RGS6: variants seen among roughly 807,000 people sequenced by gnomAD.
The protein encoded by RGS6 is regulator of G protein signaling 6, also known as regulator of G-protein signaling 6.
RGS6 carries 30 observed loss-of-function variants against 78.5 expected under a neutral mutation model. That is an observed-to-expected ratio of 0.38 (90% CI 0.29 to 0.52). RGS6 has a LOEUF of 0.52. Ranked by LOEUF, RGS6 falls within the 20% of genes least tolerant of loss-of-function variation. RGS6 has a pLI of 0.85. For synonymous variants in RGS6, 206 were observed against 206.0 expected (o/e 1.00, Z 0.00); for missense variants, 495 against 609.7 (o/e 0.81, Z 1.98).
At chr14:71,977,939 T>C (rs900637660) in intron 2 of RGS6, among the ~76,000 whole-genome samples, 18 of 150,722 alleles carry the variant, frequency 1.2e-4, no homozygotes, top group South Asian at 8.4e-4. Context: ...TTTATTTCCT[T>C]GAGCAGTGGT....
At chr14:72,196,749 CT>C (rs1156463352) in intron 2 of RGS6, among the ~76,000 whole-genome samples, 1 of 152,232 alleles carries the variant, frequency 6.6e-6, no homozygotes, top group African/African-American at 2.4e-5. Context: ...GAATTTTCCA[CT>C]TTGGAATTAT....
intron 1 of RGS6, among the ~76,000 whole-genome samples, chr14:71,941,081 G>C (rs186813910): frequency 6.6e-6 from 1 of 152,182 alleles, no homozygotes; most frequent in African/African-American, 2.4e-5. Context: ...CTGAAGCTGG[G>C]AGACAGAATC....
At position 72,518,376 on chromosome 14, in the gene RGS6, A is replaced by C. The variant is rs753570086; in HGVS notation, c.1117A>C (p.Lys373Gln). 1.2e-6 allele frequency: 2 copies of C among 1,613,958 alleles called. No homozygotes were observed. The highest frequency in any genetic ancestry group is 1.7e-5 in the Admixed American group (1 of 60,016). The change falls in exon 15 of 18, where the codon AAG becomes CAG. Residue 373 changes from lysine to glutamine, a missense_variant. Physicochemically the swap from Lys to Gln is moderately conservative, Grantham distance 53 (BLOSUM62 1). Transcript: ENST00000553525. ...GTTCTGGCTGGCTGTCCAAGATCTTAAGAAACAACCCCTACAGGATGTGGC... is the reference window on the plus strand; with the variant it reads ...GTTCTGGCTGGCTGTCCAAGATCTTCAGAAACAACCCCTACAGGATGTGGC... ...LRFWLAVQDLKKQPLQDVAKR... is the reference protein window; with the variant it reads ...LRFWLAVQDLQKQPLQDVAKR...
rs115472928 is a variant in RGS6, at chr14:72,183,309, G to A, written c.85-168786G>A. On this transcript the variant is annotated intron_variant, in intron 2 of 17. Transcript: ENST00000553525. ...CTGAATTGCTTCTGTCCCTGCAAAC[G>A]TCTCTTCTGTCTTTTACATTCACAG... Among the ~76,000 whole-genome samples the A allele has an allele frequency of 2.6e-3, 398 of 152,228 alleles. 3 individuals are homozygous for A. Among genetic ancestry groups the A allele is most frequent in the African/African-American group, 9.1e-3 (377 of 41,538 alleles).
intron 2 of RGS6, among the ~76,000 whole-genome samples, chr14:72,215,602 G>A (rs185798581): frequency 1.1e-4 from 16 of 152,252 alleles, no homozygotes; most frequent in Non-Finnish European, 1.9e-4. Context: ...CTCACATTCT[G>A]TATTTGTCCT....
chr14:72,610,202 T>C, the RGS6 span, among the ~76,000 whole-genome samples: 34 of 152,338 alleles, frequency 2.2e-4, no homozygotes, highest in South Asian at 6.4e-3. Flanking sequence ...GAGACATCAA[T>C]GGAGGCAGCA....
intron 17 of RGS6, chr14:72,547,436 T>A: frequency 2.2e-6 from 2 of 897,222 alleles, no homozygotes; most frequent in Non-Finnish European, 3.4e-6. Flanking sequence ...CAGGGGATGC[T>A]TCCCCCTTTT....
Position 72,183,524 on chromosome 14 carries a change from A to G in RGS6, c.85-168571A>G, listed in dbSNP as rs17108621. 5.3e-3 allele frequency among the ~76,000 whole-genome samples: 813 copies of G among 152,322 alleles called. 10 individuals carry two copies. The highest frequency in any genetic ancestry group is 0.019 in the African/African-American group (772 of 41,572). ...GTGGTTTGATCATTGACTCACTGAG[A>G]ACAATTATTAATCTTCAACTCCAAG... is the stretch of plus-strand genomic sequence containing the variant. On this transcript the variant is annotated intron_variant, in intron 2 of 17. Transcript: ENST00000553525.
At chr14:72,206,942 A>T (rs1484938701) in intron 2 of RGS6, among the ~76,000 whole-genome samples, 1 of 152,204 alleles carries the variant, frequency 6.6e-6, no homozygotes, top group Non-Finnish European at 1.5e-5. Flanking sequence ...CTTCCTCTTG[A>T]GAAAGAAATA....
At chr14:71,915,979 C>T in the RGS6 span, among the ~76,000 whole-genome samples, 2 of 152,174 alleles carry the variant, frequency 1.3e-5, no homozygotes, top group Admixed American at 6.5e-5. Context: ...AGGAGAGAAG[C>T]CTCAAGAGAA....
chr14:72,346,859 A>T (rs908890528), intron 2 of RGS6, among the ~76,000 whole-genome samples: 2 of 152,170 alleles, frequency 1.3e-5, no homozygotes, highest in Admixed American at 6.5e-5. Flanking sequence ...CACACTCTTG[A>T]GGCTATTTCA....
intron 2 of RGS6, among the ~76,000 whole-genome samples, chr14:72,152,342 G>C (rs568234887): frequency 6.6e-6 from 1 of 151,458 alleles, no homozygotes; most frequent in African/African-American, 2.4e-5. Flanking sequence ...AAATTTCAAC[G>C]CAACAGAAAG....
the RGS6 span, among the ~76,000 whole-genome samples, chr14:72,629,175 G>A: frequency 6.6e-6 from 1 of 152,180 alleles, no homozygotes. Flanking sequence ...TACATATGAA[G>A]TAGTTACAGG....
At chr14:72,540,712 A>T in intron 17 of RGS6, 1 of 1,344,340 alleles carries the variant, frequency 7.4e-7, no homozygotes, top group South Asian at 1.2e-5. Context: ...TGATAGGGAG[A>T]GGAGGGAAGT....
At chr14:72,100,334 C>G (rs866604846) in intron 2 of RGS6, among the ~76,000 whole-genome samples, 3 of 151,716 alleles carry the variant, frequency 2.0e-5, no homozygotes, top group Non-Finnish European at 2.9e-5. Flanking sequence ...GTGAAACCTC[C>G]TCTCTCCTAA....
intron 2 of RGS6, among the ~76,000 whole-genome samples, chr14:72,100,750 T>C (rs891839172): frequency 6.6e-6 from 1 of 152,242 alleles, no homozygotes; most frequent in African/African-American, 2.4e-5. Flanking sequence ...AATGAATCTA[T>C]CTGTAAGCAA....
chr14:72,289,563 C>G (rs947710758), intron 2 of RGS6, among the ~76,000 whole-genome samples: 1 of 152,162 alleles, frequency 6.6e-6, no homozygotes, highest in Non-Finnish European at 1.5e-5. Context: ...TTACTCAATG[C>G]CTATTATCAT....
chr14:72,202,035 GC>G (rs1224578311), intron 2 of RGS6, among the ~76,000 whole-genome samples: 2 of 152,178 alleles, frequency 1.3e-5, no homozygotes, highest in Admixed American at 6.5e-5. Flanking sequence ...CATTTTAATA[GC>G]AGTTAAATCT....
chr14:72,273,098 C>G (rs1466332791), intron 2 of RGS6, among the ~76,000 whole-genome samples: 1 of 150,624 alleles, frequency 6.6e-6, no homozygotes, highest in Non-Finnish European at 1.5e-5. Context: ...TGCCATTGCA[C>G]TCCAGCCTCG....
Sources: allele counts gnomAD v4.1 joint callset (sites outside exome capture counted in the v4.1 genomes callset), GRCh38; gene constraint gnomAD v4.1.1; transcripts MANE v1.5; gene names NCBI Gene and HGNC (gene_info 2026-07-23, HGNC 2026-07-21).